The following GALNT13 variants were observed in gnomAD, a reference collection of about 807,000 sequenced individuals.
GALNT13 encodes the protein UDP-GalNAc:polypeptide N-acetylgalactosaminyltransferase 13.
A neutral mutation model predicts 64.2 loss-of-function variants in GALNT13; 28 were observed. That is an observed-to-expected ratio of 0.44 (90% CI 0.32 to 0.60). GALNT13 has a LOEUF of 0.60. GALNT13 is among the 20% of genes least tolerant of loss of function. The probability of loss-of-function intolerance (pLI) is 0.05; values close to 1 mark genes in which losing one functional copy is unlikely to be tolerated. For missense variants in GALNT13, 577 were observed against 669.8 expected (o/e 0.86, Z 1.53); for synonymous variants, 214 against 224.6 (o/e 0.95, Z 0.42).
the GALNT13 span, among the ~76,000 whole-genome samples, chr2:153,260,741 G>A: frequency 2.3e-4 from 35 of 152,098 alleles, no homozygotes; most frequent in African/African-American, 8.4e-4. Flanking sequence ...TCTGTCTCTA[G>A]ATTTGAGAAG....
At chr2:153,081,218 T>C in the GALNT13 span, among the ~76,000 whole-genome samples, 1 of 152,018 alleles carries the variant, frequency 6.6e-6, no homozygotes, top group South Asian at 2.1e-4. Flanking sequence ...TATTTACTTT[T>C]TTATTTTTAA....
the GALNT13 span, among the ~76,000 whole-genome samples, chr2:153,674,100 C>T: frequency 6.6e-6 from 1 of 152,148 alleles, no homozygotes; most frequent in South Asian, 2.1e-4. Flanking sequence ...TAGGAAGAGT[C>T]ATTATTGTGA....
At chr2:154,029,419 A>G (rs1283450503) in intron 3 of GALNT13, among the ~76,000 whole-genome samples, 1 of 152,096 alleles carries the variant, frequency 6.6e-6, no homozygotes, top group Non-Finnish European at 1.5e-5. Context: ...GATACTGAGA[A>G]AAGAAATGGC....
At chr2:153,528,322 A>G in the GALNT13 span, among the ~76,000 whole-genome samples, 2 of 152,132 alleles carry the variant, frequency 1.3e-5, no homozygotes, top group African/African-American at 4.8e-5. Context: ...AAACTATAAG[A>G]AGATACAAAG....
chr2:153,140,467 C>T, the GALNT13 span, among the ~76,000 whole-genome samples: 1 of 151,880 alleles, frequency 6.6e-6, no homozygotes, highest in Non-Finnish European at 1.5e-5. Context: ...GAAACTGAAA[C>T]AGGGAAAGGT....
chr2:153,299,819 A>T, the GALNT13 span, among the ~76,000 whole-genome samples: 21 of 152,104 alleles, frequency 1.4e-4, no homozygotes, highest in African/African-American at 5.1e-4. Flanking sequence ...CAATTTTTAT[A>T]CCTGAATTGT....
intron 12 of GALNT13, chr2:154,441,812 G>C (rs1701311263): frequency 6.6e-6 from 1 of 152,080 alleles, no homozygotes; most frequent in Non-Finnish European, 1.5e-5. Flanking sequence ...TTACTTCTTA[G>C]GTGAGTGGGG....
the GALNT13 span, among the ~76,000 whole-genome samples, chr2:153,694,343 T>C: frequency 6.6e-6 from 1 of 152,296 alleles, no homozygotes; most frequent in Admixed American, 6.5e-5. Context: ...TCAAACTACA[T>C]GTATTACATC....
chr2:154,255,940 C>G (rs566820095), intron 7 of GALNT13, among the ~76,000 whole-genome samples: 1 of 151,932 alleles, frequency 6.6e-6, no homozygotes, highest in Non-Finnish European at 1.5e-5. Flanking sequence ...GTAGTCCCAG[C>G]TATTCTGGAG....
chr2:153,295,009 A>G, the GALNT13 span, among the ~76,000 whole-genome samples: 1 of 152,184 alleles, frequency 6.6e-6, no homozygotes, highest in Non-Finnish European at 1.5e-5. Context: ...TTAAATTTGC[A>G]TCTGAAATTT....
the GALNT13 span, among the ~76,000 whole-genome samples, chr2:153,680,808 G>A: frequency 6.6e-6 from 1 of 151,942 alleles, no homozygotes; most frequent in Non-Finnish European, 1.5e-5. Flanking sequence ...TCTAAGAGCT[G>A]TAGGAGGTGA....
At chr2:153,380,414 GTGAGCTA>G in the GALNT13 span, among the ~76,000 whole-genome samples, 11 of 152,232 alleles carry the variant, frequency 7.2e-5, no homozygotes, top group Admixed American at 4.6e-4. Context: ...TGAGACTACA[GTGAGCTA>G]TGAATGCACA....
At position 154,371,354 on chromosome 2, in the gene GALNT13, T is replaced by C. The variant is rs545381525; in HGVS notation, c.1157-24637T>C. Among the ~76,000 whole-genome samples the C allele has an allele frequency of 1.1e-4, 16 of 152,214 alleles. No homozygotes were observed. The East Asian group carries it at 1.2e-3, about 11-fold the overall frequency. The stretch of plus-strand genomic sequence containing the variant: ...TTAATGAGTTTCCAGGTAATTATAA[T>C]GTTGCTGTCAATGTTGTGAATCACT... On this transcript the variant is annotated intron_variant, in intron 9 of 12. Transcript: ENST00000392825.
intron 2 of GALNT13, among the ~76,000 whole-genome samples, chr2:153,921,503 C>G (rs1414214416): frequency 6.6e-6 from 1 of 152,092 alleles, no homozygotes; most frequent in South Asian, 2.1e-4. Flanking sequence ...CAGAAAAATA[C>G]CCATTGGGTA....
At chr2:153,117,979 T>C in the GALNT13 span, among the ~76,000 whole-genome samples, 2 of 152,112 alleles carry the variant, frequency 1.3e-5, no homozygotes, top group Non-Finnish European at 2.9e-5. Flanking sequence ...TGGTTTGCCT[T>C]ATTATCTATT....
At chr2:154,032,864 CTTTT>C (rs70981694) in intron 3 of GALNT13, among the ~76,000 whole-genome samples, 1 of 110,108 alleles carries the variant, frequency 9.1e-6, no homozygotes, top group Admixed American at 1.0e-4. Context: ...CCTACATTTC[CTTTT>C]TTTTTTTTTT....
chr2:153,439,864 C>T, the GALNT13 span, among the ~76,000 whole-genome samples: 4 of 152,158 alleles, frequency 2.6e-5, no homozygotes, highest in Non-Finnish European at 4.4e-5. Flanking sequence ...GAGATGAACC[C>T]GGTACCTCAG....
the GALNT13 span, among the ~76,000 whole-genome samples, chr2:153,405,870 C>A: frequency 6.6e-6 from 1 of 152,070 alleles, no homozygotes; most frequent in Non-Finnish European, 1.5e-5. Context: ...AAAACTTACC[C>A]CAGGAGCTAA....
the GALNT13 span, among the ~76,000 whole-genome samples, chr2:153,686,124 G>A: frequency 3.1e-4 from 47 of 151,806 alleles, no homozygotes; most frequent in African/African-American, 9.7e-4. Context: ...TTGGCTGTTC[G>A]GGCTCTTTTT....
Sources: allele counts gnomAD v4.1 joint callset (sites outside exome capture counted in the v4.1 genomes callset), GRCh38; gene constraint gnomAD v4.1.1; transcripts MANE v1.5; gene names NCBI Gene and HGNC (gene_info 2026-07-23, HGNC 2026-07-21).